Variants in MBD5 observed in about 807,000 individuals in gnomAD.
The protein encoded by MBD5 is methyl-CpG-binding domain protein 5.
In MBD5, 13 loss-of-function variants were observed where a neutral mutation model predicts 117.3. That is an observed-to-expected ratio of 0.11 (90% CI 0.07 to 0.18). The LOEUF is 0.18. Among genes scored for constraint, MBD5 ranks in the 10% least tolerant of loss-of-function variants. The pLI is 1.00. For synonymous variants in MBD5, 727 were observed against 766.4 expected (o/e 0.95, Z 0.85); for missense variants, 1,879 against 2,093.8 (o/e 0.90, Z 2.00).
chr2:148,420,682 CTT>C (rs1279286136), intron 4 of MBD5, among the ~76,000 whole-genome samples: 1 of 150,936 alleles, frequency 6.6e-6, no homozygotes, highest in Non-Finnish European at 1.5e-5. Context: ...ATATTGCCCT[CTT>C]GTCTGATAAG....
chr2:148,298,129 C>T (rs1387404876), intron 3 of MBD5, among the ~76,000 whole-genome samples: 2 of 152,158 alleles, frequency 1.3e-5, no homozygotes, highest in African/African-American at 4.8e-5. Flanking sequence ...GCTTTAAGCT[C>T]CAGTGTTCTC....
intron 2 of MBD5, among the ~76,000 whole-genome samples, chr2:148,206,552 T>C (rs1322615910): frequency 1.3e-5 from 2 of 152,174 alleles, no homozygotes; most frequent in African/African-American, 4.8e-5. Context: ...CTAGAACTTA[T>C]TCCTTCTATC....
At chr2:148,035,184 G>A (rs1358528599) in intron 1 of MBD5, among the ~76,000 whole-genome samples, 1 of 151,940 alleles carries the variant, frequency 6.6e-6, no homozygotes, top group Non-Finnish European at 1.5e-5. Context: ...AAAATGGATT[G>A]TTACCTTTAT....
At chr2:148,172,895 T>C (rs926673619) in intron 1 of MBD5, among the ~76,000 whole-genome samples, 14 of 152,134 alleles carry the variant, frequency 9.2e-5, no homozygotes, top group Non-Finnish European at 1.3e-4. Context: ...CCACCCACCA[T>C]GGGTCTCCTC....
At chr2:148,101,118 C>G (rs969931844) in intron 1 of MBD5, among the ~76,000 whole-genome samples, 2 of 151,644 alleles carry the variant, frequency 1.3e-5, no homozygotes, top group African/African-American at 4.8e-5. Flanking sequence ...TTTTTGTGGC[C>G]CCATTCTCTC....
At chr2:148,327,234 G>A (rs560423067) in intron 3 of MBD5, among the ~76,000 whole-genome samples, 1 of 152,146 alleles carries the variant, frequency 6.6e-6, no homozygotes, top group South Asian at 2.1e-4. Flanking sequence ...TTCCCTTTGA[G>A]GGTAGCCTGA....
chr2:148,330,758 G>T (rs1420069249), intron 3 of MBD5, among the ~76,000 whole-genome samples: 1 of 152,034 alleles, frequency 6.6e-6, no homozygotes, highest in Non-Finnish European at 1.5e-5. Context: ...GAGGTGCAGT[G>T]GACATGATCC....
intron 4 of MBD5, among the ~76,000 whole-genome samples, chr2:148,419,229 T>C (rs538965876): frequency 4.1e-4 from 62 of 152,216 alleles, no homozygotes; most frequent in African/African-American, 1.5e-3. Context: ...AAAAATGAAC[T>C]GAAGATGAAT....
intron 1 of MBD5, among the ~76,000 whole-genome samples, chr2:148,069,302 C>T (rs377353055): frequency 6.6e-6 from 1 of 152,012 alleles, no homozygotes; most frequent in East Asian, 1.9e-4. Context: ...ATCTTTTTTT[C>T]ACTTGATCCA....
intron 1 of MBD5, among the ~76,000 whole-genome samples, chr2:148,151,207 T>G (rs1697652579): frequency 6.6e-6 from 1 of 151,920 alleles, no homozygotes; most frequent in Non-Finnish European, 1.5e-5. Flanking sequence ...AATCATGTGG[T>G]TTTTGTCTTT....
At chr2:148,035,215 GAT>G (rs1226847761) in intron 1 of MBD5, among the ~76,000 whole-genome samples, 3 of 151,926 alleles carry the variant, frequency 2.0e-5, no homozygotes, top group Non-Finnish European at 4.4e-5. Flanking sequence ...ATATCACAAA[GAT>G]GAATTAATTC....
At position 148,236,037 on chromosome 2, in the gene MBD5, G is replaced by A. The variant is rs140429299; in HGVS notation, c.-680+2642G>A. 3.6e-3 allele frequency among the ~76,000 whole-genome samples: 549 copies of A among 152,168 alleles called. 2 individuals carry two copies. The highest frequency in any genetic ancestry group is 5.4e-3 in the Non-Finnish European group (367 of 67,988). On this transcript the variant is annotated intron_variant, in intron 3 of 13. Coordinates refer to ENST00000642680, the MANE Select transcript of MBD5 (RefSeq NM_001378120.1). ...TGGTCTTGAACTCCTGGGCTCAAGC[G>A]ATCTGCCTGCCTCAGCCTCCCAAAG...
intron 3 of MBD5, among the ~76,000 whole-genome samples, chr2:148,325,555 T>A (rs1702422942): frequency 6.6e-6 from 1 of 152,238 alleles, no homozygotes; most frequent in Non-Finnish European, 1.5e-5. Flanking sequence ...CTTCCTGGTT[T>A]AGTCTTGGGA....
At chr2:148,282,775 A>G (rs904618698) in intron 3 of MBD5, among the ~76,000 whole-genome samples, 4 of 152,002 alleles carry the variant, frequency 2.6e-5, no homozygotes, top group African/African-American at 9.6e-5. Flanking sequence ...GTGAAATATT[A>G]TCAAGGTTAT....
intron 4 of MBD5, among the ~76,000 whole-genome samples, chr2:148,379,817 C>A (rs566954072): frequency 4.0e-5 from 6 of 151,774 alleles, no homozygotes; most frequent in African/African-American, 1.5e-4. Context: ...AGATTATAAT[C>A]CAATAAAGGA....
At chr2:148,109,616 T>C (rs1696461009) in intron 1 of MBD5, among the ~76,000 whole-genome samples, 1 of 152,146 alleles carries the variant, frequency 6.6e-6, no homozygotes, top group Non-Finnish European at 1.5e-5. Flanking sequence ...TATATAACCA[T>C]AATTAAAGAG....
intron 1 of MBD5, among the ~76,000 whole-genome samples, chr2:148,078,113 G>A (rs963476183): frequency 6.6e-6 from 1 of 151,948 alleles, no homozygotes; most frequent in African/African-American, 2.4e-5. Flanking sequence ...TATATTTTTG[G>A]GAAAACTCCT....
At chr2:148,259,580 G>C (rs899695246) in intron 3 of MBD5, among the ~76,000 whole-genome samples, 4 of 152,190 alleles carry the variant, frequency 2.6e-5, no homozygotes, top group African/African-American at 9.7e-5. Context: ...GGAGTTGGTG[G>C]GTGAGTGGCA....
At chr2:148,146,072 A>T (rs924760280) in intron 1 of MBD5, among the ~76,000 whole-genome samples, 9 of 152,194 alleles carry the variant, frequency 5.9e-5, no homozygotes, top group Admixed American at 5.2e-4. Context: ...AGTTAATTGT[A>T]TATTGATATG....
Sources: gnomAD v4.1 joint callset for allele counts (sites outside exome capture counted in the v4.1 genomes callset) on GRCh38, gnomAD v4.1.1 for gene constraint, MANE v1.5 for transcripts, NCBI Gene and HGNC (gene_info 2026-07-23, HGNC 2026-07-21) for gene names.